Variants in SLC28A1 observed in about 807,000 individuals in gnomAD.
SLC28A1 encodes sodium/nucleoside cotransporter 1.
A neutral mutation model predicts 74.8 loss-of-function variants in SLC28A1; 64 were observed. The ratio of observed to expected loss-of-function variants is 0.86; its 90% CI spans 0.70 to 1.05. SLC28A1 has a LOEUF of 1.05. Among genes scored for constraint, SLC28A1 ranks in the 50% least tolerant of loss-of-function variants. The pLI, the probability that SLC28A1 is intolerant of heterozygous loss-of-function variation, is 0.00. For synonymous variants in SLC28A1, 359 were observed against 335.0 expected, an observed-to-expected ratio of 1.07 and a Z score of -0.78; for missense variants, 828 against 822.8, an observed-to-expected ratio of 1.01 and a Z score of -0.08.
At position 84,935,039 on chromosome 15, in the gene SLC28A1, C is replaced by A; in HGVS notation, c.1228C>A (p.Leu410Ile). Residue 410 changes from leucine (L) to isoleucine (I), a missense_variant, in exon 14 of 19, where the codon CTC becomes ATC. Transcript: ENST00000394573. The part of the protein sequence containing the change: ...VKLTYGDAQN[L>I]IEAASTGAAI... ...TCCCAACAACAGAGATGCTCAGAAC[C>A]TCATAGAAGCAGCCAGCACTGGGGC... 1 of 1,614,078 alleles carries A rather than the reference C, an allele frequency of 6.2e-7. No homozygotes were observed. The highest frequency in any genetic ancestry group is 1.6e-4 in the Middle Eastern group (1 of 6,062).
the SLC28A1 span, among the ~76,000 whole-genome samples, chr15:84,951,576 C>T: frequency 2.4e-4 from 37 of 151,962 alleles, no homozygotes; most frequent in Non-Finnish European, 4.1e-4. Flanking sequence ...TTATATGAGC[C>T]TGCTAGTAGA....
At chr15:84,968,452 C>T in the SLC28A1 span, among the ~76,000 whole-genome samples, 2 of 152,222 alleles carry the variant, frequency 1.3e-5, no homozygotes, top group African/African-American at 4.8e-5. Context: ...ACATGGGCCT[C>T]TCCTTAGAGC....
At chr15:84,948,166 A>C (rs532411402), downstream of SLC28A1, among the ~76,000 whole-genome samples, 1 of 151,992 alleles carries the variant, frequency 6.6e-6, no homozygotes, top group African/African-American at 2.4e-5. Flanking sequence ...CCCTGCCCTC[A>C]CCTCTGCTGC....
intron 12 of SLC28A1, among the ~76,000 whole-genome samples, chr15:84,928,620 CTTTCTTTCTTTCT>C (rs1392302887): frequency 2.0e-4 from 4 of 19,622 alleles, no homozygotes; most frequent in Non-Finnish European, 3.1e-4. Flanking sequence ...TCTTTCTTTT[CTTTCTTTCTTTCT>C]TTTTTTTTGA....
At position 84,911,807 on chromosome 15, in the gene SLC28A1, G is replaced by A. The variant is rs975703771; in HGVS notation, c.795+3012G>A. Among the ~76,000 whole-genome samples the A allele has an allele frequency of 5.4e-5, 8 of 149,160 alleles. No homozygotes were observed. The East Asian group carries it at 9.9e-4, about 18-fold the overall frequency. ...CTGGGAGACGGAGGTTGCAGTGAGC[G>A]GAGACTGCACCACTGCACTCCAGGC... is the stretch of plus-strand genomic sequence containing the variant. On this transcript the variant is annotated intron_variant, in intron 9 of 18. Coordinates refer to ENST00000394573, the MANE Select transcript of SLC28A1 (RefSeq NM_004213.5).
At chr15:84,928,584 T>TTCTCTCTC (rs1567172340) in intron 12 of SLC28A1, among the ~76,000 whole-genome samples, 7 of 19,828 alleles carry the variant, frequency 3.5e-4, no homozygotes, top group Admixed American at 8.6e-4. Flanking sequence ...CTTTCTTTCT[T>TTCTCTCTC]TCTTTCTTTC....
At chr15:84,972,919 G>A in the SLC28A1 span, among the ~76,000 whole-genome samples, 1 of 152,226 alleles carries the variant, frequency 6.6e-6, no homozygotes, top group African/African-American at 2.4e-5. Context: ...AGCCAATGAT[G>A]AGGATGAATG....
Position 84,945,089 on chromosome 15 carries a change from C to T in SLC28A1, c.1875-36C>T, listed in dbSNP as rs374636036. ...CTGGTGGTGGCCCGCAGAACCAGGC[C>T]TGGAGCTCCCACTGCGATCTTTGCT... On this transcript the variant is annotated intron_variant, in intron 18 of 18. Transcript: ENST00000394573. 4 of 1,600,634 alleles carry T rather than the reference C, an allele frequency of 2.5e-6. No homozygotes were observed. In the African/African-American group the frequency reaches 4.0e-5, roughly 16 times the overall value.
At chr15:84,930,182 G>A (rs1465383118) in intron 12 of SLC28A1, among the ~76,000 whole-genome samples, 1 of 152,272 alleles carries the variant, frequency 6.6e-6, no homozygotes, top group Non-Finnish European at 1.5e-5. Flanking sequence ...CAAACCAGAT[G>A]TAATCTACAA....
chr15:84,916,723 C>T (rs1969152416), intron 9 of SLC28A1, among the ~76,000 whole-genome samples: 1 of 152,148 alleles, frequency 6.6e-6, no homozygotes, highest in Non-Finnish European at 1.5e-5. Flanking sequence ...AAATGTCCAC[C>T]TATTATTGAA....
At chr15:84,894,805 C>G (rs1010694325) in intron 5 of SLC28A1, 135 bp from the exon 6 acceptor site, 5 of 826,104 alleles carry the variant, frequency 6.1e-6, no homozygotes, top group Admixed American at 3.8e-5. Context: ...GATGAGGAAA[C>G]AGGCTCAGTG....
chr15:84,955,379 A>T, the SLC28A1 span, among the ~76,000 whole-genome samples: 1 of 152,218 alleles, frequency 6.6e-6, no homozygotes, highest in South Asian at 2.1e-4. Context: ...GCAATCAAAG[A>T]TGTCTGACCG....
At chr15:84,939,660 A>G (rs1407208426) in intron 15 of SLC28A1, 3 of 152,112 alleles carry the variant, frequency 2.0e-5, no homozygotes, top group Non-Finnish European at 4.4e-5. Flanking sequence ...ATCCTCAGGT[A>G]GGGGCCATGC....
At chr15:84,906,347 T>A (rs1329889293) in intron 8 of SLC28A1, among the ~76,000 whole-genome samples, 3 of 151,850 alleles carry the variant, frequency 2.0e-5, no homozygotes, top group Non-Finnish European at 4.4e-5. Context: ...GAGACAGTCT[T>A]GCTTTGACAT....
chr15:84,954,366 A>G, the SLC28A1 span, among the ~76,000 whole-genome samples: 1 of 152,226 alleles, frequency 6.6e-6, no homozygotes, highest in African/African-American at 2.4e-5. Flanking sequence ...CTTTCCATTT[A>G]TCTATAAAGA....
chr15:84,893,831 G>C (rs919226717), intron 5 of SLC28A1, among the ~76,000 whole-genome samples: 2 of 152,152 alleles, frequency 1.3e-5, no homozygotes, highest in African/African-American at 4.8e-5. Flanking sequence ...TGCAGTCCTG[G>C]GACCTCCCTG....
In SLC28A1 at chr15:84,943,463, A is replaced by G. The variant is rs762732088; in HGVS notation, c.1600A>G (p.Thr534Ala). 1 of 1,614,020 alleles carries G rather than the reference A, an allele frequency of 6.2e-7. No individual in the cohort carries two copies. Among genetic ancestry groups the G allele is most frequent in the South Asian group, 1.1e-5 (1 of 91,082 alleles). Residue 534 changes from threonine to alanine, a missense_variant, in exon 16 of 19, where the codon ACG (threonine) becomes GCG (alanine). By Grantham distance (58) the Thr-to-Ala change is moderately conservative. Coordinates refer to ENST00000394573, the MANE Select transcript of SLC28A1 (RefSeq NM_004213.5). ...TTTTCAGGTCAGAGCTGAAGTCCTC[A>G]CGACGTTTGCCCTCTGTGGATTTGC... The part of the protein sequence containing the change: ...QWISVRAEVL[T>A]TFALCGFANF...
chr15:84,895,697 G>C, intron 6 of SLC28A1: 1 of 1,387,660 alleles, frequency 7.2e-7, no homozygotes, highest in Non-Finnish European at 9.3e-7. Context: ...ATTTCACCAG[G>C]CAGCTCTAAA....
At chr15:84,972,249 A>G in the SLC28A1 span, among the ~76,000 whole-genome samples, 1 of 152,246 alleles carries the variant, frequency 6.6e-6, no homozygotes, top group Non-Finnish European at 1.5e-5. Flanking sequence ...AGGGATGGAA[A>G]GAAATGGATT....
Sources: allele counts gnomAD v4.1 joint callset (sites outside exome capture counted in the v4.1 genomes callset), GRCh38; gene constraint gnomAD v4.1.1; transcripts MANE v1.5; gene names NCBI Gene and HGNC (gene_info 2026-07-23, HGNC 2026-07-21).